Variants in XYLT1 observed in about 807,000 individuals in gnomAD.
XYLT1 encodes the protein beta-D-xylosyltransferase 1.
In XYLT1, 36 loss-of-function variants were observed where a neutral mutation model predicts 91.3. That is an observed-to-expected ratio of 0.39 (90% CI 0.30 to 0.52). The LOEUF (loss-of-function observed/expected upper bound fraction) is 0.52, where lower values mean the gene tolerates loss of function less well. Ranked by LOEUF, XYLT1 falls within the 20% of genes least tolerant of loss-of-function variation. The pLI, the probability that XYLT1 is intolerant of heterozygous loss-of-function variation, is 0.68. For missense variants in XYLT1, 1,242 were observed against 1,284.5 expected (o/e 0.97, Z 0.51); for synonymous variants, 588 against 532.0 (o/e 1.11, Z -1.45).
intron 6 of XYLT1, among the ~76,000 whole-genome samples, chr16:17,150,017 C>G (rs1022371183): frequency 6.6e-6 from 1 of 152,168 alleles, no homozygotes. Context: ...ACATAGGACA[C>G]CTCCACAGCT....
At chr16:17,288,260 C>G (rs983773696) in intron 2 of XYLT1, among the ~76,000 whole-genome samples, 9 of 151,254 alleles carry the variant, frequency 6.0e-5, no homozygotes, top group African/African-American at 2.2e-4. Context: ...GGGCCGGTAA[C>G]AGTTACTCCT....
At chr16:17,120,372 T>C (rs969384556) in intron 10 of XYLT1, among the ~76,000 whole-genome samples, 1 of 152,070 alleles carries the variant, frequency 6.6e-6, no homozygotes, top group Non-Finnish European at 1.5e-5. Flanking sequence ...TTCACTTCTG[T>C]CATCTCTATC....
intron 2 of XYLT1, among the ~76,000 whole-genome samples, chr16:17,332,497 G>T (rs1051800525): frequency 2.6e-5 from 4 of 152,064 alleles, no homozygotes; most frequent in Admixed American, 2.6e-4. Context: ...GGGAAGCGGA[G>T]GTTGCAGTGA....
chr16:17,178,772 T>C (rs2032001393), intron 5 of XYLT1, among the ~76,000 whole-genome samples: 1 of 152,184 alleles, frequency 6.6e-6, no homozygotes, highest in Non-Finnish European at 1.5e-5. Flanking sequence ...TCTGGCCTTT[T>C]AATAAAAACT....
chr16:17,470,684 A>G lies in XYLT1; in HGVS notation c.113T>C (p.Leu38Pro). The change falls in exon 1 of 12, where the codon CTC becomes CCC. Residue 38 changes from leucine (L) to proline (P), a missense_variant. This residue lies in a region of XYLT1 where 437 missense variants were observed against 411.5 expected (regional missense o/e 1.06). Transcript: ENST00000261381. ...QTLVVWNFSSLDSGAGERRGG... is the reference protein window; with the variant it reads ...QTLVVWNFSSPDSGAGERRGG... ...GCGGCGCTCCCCGGCCCCGGAGTCG[A>G]GGCTGCTGAAATTCCACACGACCAG... 1 of 1,159,006 alleles carries G rather than the reference A, an allele frequency of 8.6e-7. No individual in the cohort carries two copies. Among genetic ancestry groups the G allele is most frequent in the Non-Finnish European group, 1.1e-6 (1 of 922,720 alleles). The allele number at this position is 1,159,006 out of a possible 1,614,324, so 71.8% of individuals were successfully genotyped here.
intron 3 of XYLT1, among the ~76,000 whole-genome samples, chr16:17,245,108 T>C (rs1166480195): frequency 2.0e-5 from 3 of 152,260 alleles, no homozygotes; most frequent in African/African-American, 4.8e-5. Flanking sequence ...ACTGCTCAGA[T>C]GGGACTGACG....
At chr16:17,265,110 C>G (rs1177844595) in intron 2 of XYLT1, among the ~76,000 whole-genome samples, 1 of 152,202 alleles carries the variant, frequency 6.6e-6, no homozygotes, top group African/African-American at 2.4e-5. Context: ...ATCGCTTGAA[C>G]CCAGGAGATG....
chr16:17,453,935 A>T (rs577158314), intron 1 of XYLT1, among the ~76,000 whole-genome samples: 4 of 152,358 alleles, frequency 2.6e-5, no homozygotes, highest in African/African-American at 7.2e-5. Flanking sequence ...CTTGTTCCCA[A>T]CAGCCTAGAA....
rs890188929 is a variant in XYLT1, at chr16:17,218,502, C to CT, written c.914-17849dup. Among the ~76,000 whole-genome samples the CT allele has an allele frequency of 3.7e-4, 57 of 152,170 alleles. 1 individual carries two copies. Among genetic ancestry groups the CT allele is most frequent in the African/African-American group, 1.3e-3 (55 of 41,514 alleles). On this transcript the variant is annotated intron_variant, in intron 3 of 11. Coordinates refer to ENST00000261381, the MANE Select transcript of XYLT1 (RefSeq NM_022166.4). ...CCTCCAAAGATGGAAGGCTCAGTGCCTTACATAGCAGGGCTTGTGCTCAGC... is the reference window on the plus strand; with the variant it reads ...CCTCCAAAGATGGAAGGCTCAGTGCCTTTACATAGCAGGGCTTGTGCTCAGC...
rs374213529 is a variant in XYLT1 at position 17,303,637 on chromosome 16, A to G, written c.403-44139T>C. On this transcript the variant is annotated intron_variant, in intron 2 of 11. Transcript: ENST00000261381. Reference sequence around the variant, plus strand: ...GAACACAGACACCTACAATCCTTTTACATTTTCATTACTAATGATATTACA... The same window carrying G: ...GAACACAGACACCTACAATCCTTTTGCATTTTCATTACTAATGATATTACA... 7.7e-4 allele frequency among the ~76,000 whole-genome samples: 118 copies of G among 152,344 alleles called. 1 individual carries two copies. Among genetic ancestry groups the G allele is most frequent in the African/African-American group, 2.7e-3 (114 of 41,582 alleles).
intron 2 of XYLT1, among the ~76,000 whole-genome samples, chr16:17,260,336 A>G (rs1390718332): frequency 6.6e-6 from 1 of 152,184 alleles, no homozygotes; most frequent in Non-Finnish European, 1.5e-5. Flanking sequence ...AATGCCCCAA[A>G]TTGTTTCTGC....
chr16:17,362,334 A>G (rs1270237765), intron 1 of XYLT1, among the ~76,000 whole-genome samples: 9 of 152,198 alleles, frequency 5.9e-5, no homozygotes, highest in Admixed American at 5.9e-4. Context: ...CAAAACAGTC[A>G]CTTTGCCACA....
chr16:17,174,738 C>T (rs906670231), intron 5 of XYLT1, among the ~76,000 whole-genome samples: 1 of 152,106 alleles, frequency 6.6e-6, no homozygotes, highest in East Asian at 1.9e-4. Context: ...TTAAGCGCCA[C>T]TAATTTCAGT....
intron 11 of XYLT1, 77 bp downstream of exon 11, chr16:17,117,569 C>T: frequency 6.7e-7 from 1 of 1,485,204 alleles, no homozygotes; most frequent in Non-Finnish European, 9.1e-7. Flanking sequence ...CTGAGCAGTG[C>T]TGCCTACCAA....
At chr16:17,184,068 C>T (rs2032126981) in intron 5 of XYLT1, among the ~76,000 whole-genome samples, 1 of 152,102 alleles carries the variant, frequency 6.6e-6, no homozygotes, top group Admixed American at 6.5e-5. Flanking sequence ...ATAAAGACCA[C>T]CCACATTGTA....
At chr16:17,248,373 A>AG (rs1321168644) in intron 3 of XYLT1, among the ~76,000 whole-genome samples, 1 of 152,192 alleles carries the variant, frequency 6.6e-6, no homozygotes, top group Non-Finnish European at 1.5e-5. Flanking sequence ...AGACTAATAC[A>AG]GGGGGGCCTA....
chr16:17,429,302 G>T (rs763743583), intron 1 of XYLT1, among the ~76,000 whole-genome samples: 40 of 152,212 alleles, frequency 2.6e-4, no homozygotes, highest in Non-Finnish European at 1.2e-4. Context: ...ACAGAGTAAG[G>T]TAAGAGAAAG....
At chr16:17,192,402 G>A (rs1426687990) in intron 5 of XYLT1, among the ~76,000 whole-genome samples, 4 of 152,048 alleles carry the variant, frequency 2.6e-5, no homozygotes, top group Admixed American at 1.3e-4. Flanking sequence ...ACACCCAGCC[G>A]AGGTCTCTTA....
chr16:17,170,901 G>C (rs1226770347), intron 5 of XYLT1, among the ~76,000 whole-genome samples: 1 of 152,158 alleles, frequency 6.6e-6, no homozygotes, highest in Non-Finnish European at 1.5e-5. Context: ...CTACTTATTG[G>C]CTGTGTGGCC....
Sources: gnomAD v4.1 joint callset for allele counts (sites outside exome capture counted in the v4.1 genomes callset) on GRCh38, gnomAD v4.1.1 for gene constraint, gnomAD v4.1.1 regional missense constraint, MANE v1.5 for transcripts, NCBI Gene and HGNC (gene_info 2026-07-23, HGNC 2026-07-21) for gene names.